WIZ: variants seen among roughly 807,000 people sequenced by gnomAD.
WIZ encodes the protein WIZ zinc finger, also known as protein Wiz.
WIZ carries 25 observed loss-of-function variants against 140.2 expected under a neutral mutation model. The observed-to-expected ratio is 0.18, with a 90% CI of 0.13 to 0.25. The LOEUF (loss-of-function observed/expected upper bound fraction) is 0.25. WIZ is among the 10% of genes least tolerant of loss of function. WIZ has a pLI of 1.00. For synonymous variants in WIZ, 1,125 were observed against 1,154.3 expected (o/e 0.97, Z 0.51); for missense variants, 2,231 against 2,632.6 (o/e 0.85, Z 3.34).
At position 15,422,930 on chromosome 19, in the gene WIZ, A is replaced by G; in HGVS notation, c.*146T>C. On this transcript the variant is annotated 3_prime_UTR_variant, in exon 13 of 13. Coordinates refer to ENST00000673675, the MANE Select transcript of WIZ (RefSeq NM_001371589.1). ...AGCTGGCTCCCGGCGCCCTGGCTGT[A>G]GTGTGCCCGGCCCCCAAGGGGCGCC... The G allele has an allele frequency of 8.1e-7, 1 of 1,238,730 alleles. No individual in the cohort carries two copies. The highest frequency in any genetic ancestry group is 1.6e-5 in the South Asian group (1 of 63,390). 76.7% of individuals were successfully genotyped at this position (1,238,730 alleles called of 1,614,324 possible).
chr19:15,428,561 G>A lies in WIZ; in HGVS notation c.3416-53C>T. 1.3e-6 allele frequency: 2 copies of A among 1,534,584 alleles called. No homozygotes were observed. The highest frequency in any genetic ancestry group is 1.7e-6 in the Non-Finnish European group (2 of 1,146,350). The stretch of plus-strand genomic sequence containing the variant: ...CACGGCCGCCACCTTGGCCGGCCTT[G>A]GGGGCCTGAGGTAGGAGGGTCTGGT... On this transcript the variant is annotated intron_variant, in intron 7 of 12. Transcript: ENST00000673675. This position sits in a 1 kb window ranked among gnomAD's most constrained non-coding sequence, Gnocchi z 6.4.
chr19:15,434,783 C>T (rs1035510237), intron 5 of WIZ, among the ~76,000 whole-genome samples: 2 of 152,266 alleles, frequency 1.3e-5, no homozygotes, highest in Non-Finnish European at 2.9e-5. Context: ...ACTCCCTTTG[C>T]AGTGCCCAGT....
At position 15,439,456 on chromosome 19, in the gene WIZ, G is replaced by A. The variant is rs751473959; in HGVS notation, c.1538C>T (p.Ala513Val). Residue 513 changes from alanine (A) to valine (V), a missense_variant, in exon 4 of 13, where the codon GCT (alanine) becomes GTT (valine). Physicochemically the swap from Ala to Val is moderately conservative, Grantham distance 64 (BLOSUM62 0). Around this residue, in one of 15 missense-constraint regions of WIZ, gnomAD observed 475 missense variants for 520.2 expected, o/e 0.91. Transcript: ENST00000673675. This position sits in a 1 kb window ranked among gnomAD's most constrained non-coding sequence, Gnocchi z 7.0. ...AGCAGTGTCAGGGAAGCAGGCGTGA[G>A]CATCCTGGCTAGTGCCTGGCTGGCT... is the stretch of plus-strand genomic sequence containing the variant. ...PASQPGTSQD[A>V]HACFPDTAVD... The A allele has an allele frequency of 4.0e-5, 62 of 1,533,810 alleles. No individual in the cohort carries two copies. Among genetic ancestry groups the A allele is most frequent in the Non-Finnish European group, 5.1e-5 (59 of 1,145,712 alleles).
Position 15,424,887 on chromosome 19 carries a change from G to C in WIZ, c.5040C>G (p.Ile1680Met), listed in dbSNP as rs1173585729. The stretch of plus-strand genomic sequence containing the variant: ...CGCCCACCTTCTGGGGCCGGTGTTT[G>C]ATCCACTCGCTCAGTGTCTCGATGG... ...GSPIETLSEW[I>M]KHRPQKVGAY... The change falls in exon 11 of 13, where the codon ATC becomes ATG. Residue 1680 changes from isoleucine (I) to methionine (M), a missense_variant. This residue lies in a region of WIZ where 299 missense variants were observed against 309.6 expected (regional missense o/e 0.97). Coordinates refer to ENST00000673675, the MANE Select transcript of WIZ (RefSeq NM_001371589.1). The surrounding 1 kb of genome is among the most constrained non-coding windows in gnomAD (Gnocchi z 9.7). 1 of 1,610,938 alleles carries C rather than the reference G, an allele frequency of 6.2e-7. No individual in the cohort carries two copies. Among genetic ancestry groups the C allele is most frequent in the Non-Finnish European group, 8.5e-7 (1 of 1,179,440 alleles).
At chr19:15,445,518 G>A (rs1338504644) in intron 2 of WIZ, among the ~76,000 whole-genome samples, 1 of 152,172 alleles carries the variant, frequency 6.6e-6, no homozygotes, top group Non-Finnish European at 1.5e-5. Context: ...TGTCTCAAGG[G>A]GGAAGCTTGA....
Position 15,428,120 on chromosome 19 carries a change from A to G in WIZ, c.3804T>C (p.Pro1268=). 2.0e-6 allele frequency: 3 copies of G among 1,533,946 alleles called. No individual in the cohort carries two copies. Among genetic ancestry groups the G allele is most frequent in the Non-Finnish European group, 2.6e-6 (3 of 1,146,702 alleles). Residue 1268 remains proline, a synonymous_variant, in exon 8 of 13, where the codon CCT becomes CCC. Coordinates refer to ENST00000673675, the MANE Select transcript of WIZ (RefSeq NM_001371589.1). This position sits in a 1 kb window ranked among gnomAD's most constrained non-coding sequence, Gnocchi z 6.4. ...GAAGCGAGAACCTACAGAGGTTGAG[A>G]GGAGACGGCTCCACATCAGAGGCCC... is the stretch of plus-strand genomic sequence containing the variant. ...IFWASDVEPS[P]LNLSSGPEPA...
Position 15,427,172 on chromosome 19 carries a change from G to A in WIZ, c.4176C>T (p.Ala1392=), listed in dbSNP as rs1213072749. ...TCTTTCGGGCCGTAGGAGGAGGAGA[G>A]GCAGTTGGTGAGTGGCCCAGGGGGC... The part of the protein sequence containing the change: ...PGSPLGHSPT[A]SPPPTARKMF... Residue 1392 remains alanine, a synonymous_variant, in exon 9 of 13, where the codon GCC becomes GCT. Coordinates refer to ENST00000673675, the MANE Select transcript of WIZ (RefSeq NM_001371589.1). This position sits in a 1 kb window ranked among gnomAD's most constrained non-coding sequence, Gnocchi z 6.4. 6.2e-7 allele frequency: 1 copy of A among 1,614,106 alleles called. No homozygotes were observed. Among genetic ancestry groups the A allele is most frequent in the Non-Finnish European group, 8.5e-7 (1 of 1,180,046 alleles).
In WIZ at chr19:15,435,768, A is replaced by G. The variant is rs140376685; in HGVS notation, c.2740+1038T>C. 4.0e-5 allele frequency among the ~76,000 whole-genome samples: 6 copies of G among 151,858 alleles called. 1 individual carries two copies. Among genetic ancestry groups the G allele is most frequent in the Admixed American group, 3.3e-4 (5 of 15,238 alleles). On this transcript the variant is annotated intron_variant, in intron 5 of 12. Transcript: ENST00000673675. ...AACCTGGGAGTTGGAGGTTGCAGTG[A>G]CTGAGATCGCACCACTGCATTCCAG... is the stretch of plus-strand genomic sequence containing the variant.
chr19:15,422,890 G>GT lies in WIZ; in HGVS notation c.*185_*186insA, dbSNP rs1395983439. On this transcript the variant is annotated 3_prime_UTR_variant, in exon 13 of 13. Coordinates refer to ENST00000673675, the MANE Select transcript of WIZ (RefSeq NM_001371589.1). ...CCTGTGGCCCCAGAGTCCTCGGGCT[G>GT]GGGGAAGGGCAGCTAGCTGGCTCCC... The GT allele has an allele frequency of 8.5e-6, 7 of 823,968 alleles. No individual in the cohort carries two copies. Among genetic ancestry groups the GT allele is most frequent in the Non-Finnish European group, 1.3e-5 (7 of 545,788 alleles). 51.0% of individuals were successfully genotyped at this position (823,968 alleles called of 1,614,324 possible).
Position 15,427,692 on chromosome 19 carries a change from G to T in WIZ, c.3815-159C>A, listed in dbSNP as rs935426874. The stretch of plus-strand genomic sequence containing the variant: ...TAAGGGAGTGGAGGAGCGGGGCTGG[G>T]GGCCAGATACCCGGCAGGAGTGAGG... On this transcript the variant is annotated intron_variant, in intron 8 of 12. Coordinates refer to ENST00000673675, the MANE Select transcript of WIZ (RefSeq NM_001371589.1). This position sits in a 1 kb window ranked among gnomAD's most constrained non-coding sequence, Gnocchi z 6.4. 8.5e-5 allele frequency among the ~76,000 whole-genome samples: 13 copies of T among 152,278 alleles called. No individual in the cohort carries two copies. Among genetic ancestry groups the T allele is most frequent in the African/African-American group, 3.1e-4 (13 of 41,562 alleles).
In WIZ at chr19:15,438,921, C is replaced by T. The variant is rs764871643; in HGVS notation, c.2073G>A (p.Gly691=). The change falls in exon 4 of 13, where the codon GGG becomes GGA. Residue 691 remains glycine (G), a synonymous_variant. Coordinates refer to ENST00000673675, the MANE Select transcript of WIZ (RefSeq NM_001371589.1). ...CCCTGGCTGCCGCCATGACCTGCGG[C>T]CCCAGCTTCGCCACGAGCACAATGG... ...MVPIVLVAKL[G]PQVMAAARVP... 38 of 1,445,488 alleles carry T rather than the reference C, an allele frequency of 2.6e-5. No individual in the cohort carries two copies. The East Asian group carries it at 3.3e-4, about 12-fold the overall frequency. 89.5% of individuals were successfully genotyped at this position (1,445,488 alleles called of 1,614,324 possible).
Position 15,424,654 on chromosome 19 carries a change from C to T in WIZ, c.5273G>A (p.Gly1758Asp), listed in dbSNP as rs1313970874. Residue 1758 changes from glycine (G) to aspartate (D), a missense_variant, in exon 11 of 13, where the codon GGC (glycine) becomes GAC (aspartate). This residue lies in a region of WIZ where 299 missense variants were observed against 309.6 expected (regional missense o/e 0.97). Coordinates refer to ENST00000673675, the MANE Select transcript of WIZ (RefSeq NM_001371589.1). The surrounding 1 kb of genome is among the most constrained non-coding windows in gnomAD (Gnocchi z 9.7). Reference protein sequence around the residue: ...GERPLAASPPGTVKAEEHQRQ... With the variant: ...GERPLAASPPDTVKAEEHQRQ... Reference sequence around the variant, plus strand: ...CTGGTGCTCCTCAGCCTTCACGGTGCCTGGCGGGCTGGCTGCCAGAGGCCG... The same window carrying T: ...CTGGTGCTCCTCAGCCTTCACGGTGTCTGGCGGGCTGGCTGCCAGAGGCCG... 1.3e-6 allele frequency: 2 copies of T among 1,592,126 alleles called. No homozygotes were observed. Among genetic ancestry groups the T allele is most frequent in the African/African-American group, 2.7e-5 (2 of 74,480 alleles).
chr19:15,448,646 C>T (rs547809442), intron 1 of WIZ, among the ~76,000 whole-genome samples: 1 of 152,226 alleles, frequency 6.6e-6, no homozygotes, highest in East Asian at 1.9e-4. Flanking sequence ...CACTCAGCCA[C>T]CTGGTCTTCT....
intron 5 of WIZ, among the ~76,000 whole-genome samples, chr19:15,434,100 CA>C (rs992578500): frequency 6.6e-6 from 1 of 151,070 alleles, no homozygotes; most frequent in Non-Finnish European, 1.5e-5. Context: ...ACTAAAAATA[CA>C]AAAAAAATTA....
intron 5 of WIZ, among the ~76,000 whole-genome samples, chr19:15,434,585 CA>C (rs5827287): frequency 6.1e-4 from 76 of 124,094 alleles, no homozygotes; most frequent in South Asian, 1.9e-3. Flanking sequence ...GACTCCATCT[CA>C]AAAAAAAAAA....
chr19:15,420,351 C>G lies in WIZ; in HGVS notation c.*2725G>C, dbSNP rs1192864791. ...GCTGCCATACGGAACAAAGCCACTT[C>G]TGATGTGTTAAGTGAGCAAACTCCA... is the stretch of plus-strand genomic sequence containing the variant. On this transcript the variant is annotated 3_prime_UTR_variant, in exon 13 of 13. Transcript: ENST00000673675. 6.6e-6 allele frequency: 1 copy of G among 152,256 alleles called. No homozygotes were observed. Among genetic ancestry groups the G allele is most frequent in the East Asian group, 1.9e-4 (1 of 5,204 alleles). The allele number at this position is 152,256 out of a possible 1,614,324, so 9.4% of individuals were successfully genotyped here.
Position 15,428,393 on chromosome 19 carries a change from G to T in WIZ, c.3531C>A (p.Ser1177Arg). The T allele has an allele frequency of 6.5e-7, 1 of 1,535,542 alleles. No individual in the cohort carries two copies. The highest frequency in any genetic ancestry group is 2.4e-5 in the East Asian group (1 of 40,904). ...TGGGGGATCCCTTGGCGTCCGGATCGCTGACGCCCAGGTGGCGCAGGTGGG... is the reference window on the plus strand; with the variant it reads ...TGGGGGATCCCTTGGCGTCCGGATCTCTGACGCCCAGGTGGCGCAGGTGGG... ...ARAHLRHLGV[S>R]DPDAKGSPID... Residue 1177 changes from serine to arginine, a missense_variant, in exon 8 of 13, where the codon AGC (serine) becomes AGA (arginine). Ser to Arg is a moderately radical substitution (Grantham distance 110, BLOSUM62 -1). Coordinates refer to ENST00000673675, the MANE Select transcript of WIZ (RefSeq NM_001371589.1). The surrounding 1 kb of genome is among the most constrained non-coding windows in gnomAD (Gnocchi z 6.4).
chr19:15,436,782 G>A (rs1402556173), intron 5 of WIZ, 24 bp downstream of exon 5: 10 of 1,538,412 alleles, frequency 6.5e-6, no homozygotes, highest in Non-Finnish European at 7.8e-6. Flanking sequence ...TGGGGCTCCA[G>A]CACAGCCCGT....
rs1471008976 is a variant in WIZ, at chr19:15,420,347, A to T, written c.*2729T>A. On this transcript the variant is annotated 3_prime_UTR_variant, in exon 13 of 13. Coordinates refer to ENST00000673675, the MANE Select transcript of WIZ (RefSeq NM_001371589.1). The stretch of plus-strand genomic sequence containing the variant: ...ACTTGCTGCCATACGGAACAAAGCC[A>T]CTTCTGATGTGTTAAGTGAGCAAAC... 1 of 152,250 alleles carries T rather than the reference A, an allele frequency of 6.6e-6. No individual in the cohort carries two copies. Among genetic ancestry groups the T allele is most frequent in the Non-Finnish European group, 1.5e-5 (1 of 68,044 alleles). The allele number at this position is 152,250 out of a possible 1,614,324, so 9.4% of individuals were successfully genotyped here.
Sources: gnomAD v4.1 joint callset for allele counts (sites outside exome capture counted in the v4.1 genomes callset) on GRCh38, gnomAD v4.1.1 for gene constraint, gnomAD v4.1.1 regional missense constraint, Gnocchi (gnomAD v3.1) non-coding constraint, MANE v1.5 for transcripts, NCBI Gene and HGNC (gene_info 2026-07-23, HGNC 2026-07-21) for gene names.